The following AMPH variants were observed in gnomAD, a reference collection of about 807,000 sequenced individuals.
The protein encoded by AMPH is amphiphysin (Stiff-Mann syndrome with breast cancer 128kD autoantigen).
In AMPH, 49 loss-of-function variants were observed where a neutral mutation model predicts 99.1. The observed-to-expected ratio is 0.49, with a 90% CI of 0.39 to 0.63. The LOEUF (loss-of-function observed/expected upper bound fraction) is 0.63. Ranked by LOEUF, AMPH falls within the 20% of genes least tolerant of loss-of-function variation. The pLI is 0.00. For missense variants in AMPH, 759 were observed against 863.4 expected (o/e 0.88, Z 1.52); for synonymous variants, 314 against 317.3 (o/e 0.99, Z 0.11).
At chr7:38,543,380 T>A (rs556417720) in intron 1 of AMPH, among the ~76,000 whole-genome samples, 6 of 152,330 alleles carry the variant, frequency 3.9e-5, no homozygotes, top group African/African-American at 1.4e-4. Flanking sequence ...GTAAGTTCCC[T>A]AAGGCAAGAA....
At chr7:38,551,621 A>G (rs1217324824) in intron 1 of AMPH, among the ~76,000 whole-genome samples, 1 of 152,180 alleles carries the variant, frequency 6.6e-6, no homozygotes, top group Non-Finnish European at 1.5e-5. Context: ...AGGGCTACAC[A>G]TCCTCCAAGA....
chr7:38,487,676 G>C (rs1000704691), intron 5 of AMPH, among the ~76,000 whole-genome samples: 1 of 151,928 alleles, frequency 6.6e-6, no homozygotes, highest in African/African-American at 2.4e-5. Context: ...GACGAATGGG[G>C]TCTAATTAAA....
chr7:38,512,033 G>T (rs1351921483), intron 2 of AMPH, among the ~76,000 whole-genome samples: 1 of 152,144 alleles, frequency 6.6e-6, no homozygotes, highest in Admixed American at 6.5e-5. Context: ...AAGCCTCCAG[G>T]TGATGGTTAT....
At chr7:38,566,189 T>C (rs932837944) in intron 1 of AMPH, among the ~76,000 whole-genome samples, 1 of 152,180 alleles carries the variant, frequency 6.6e-6, no homozygotes, top group Non-Finnish European at 1.5e-5. Context: ...CCAAAAACAA[T>C]AGTAATGATT....
intron 5 of AMPH, among the ~76,000 whole-genome samples, chr7:38,484,153 T>C (rs1017480125): frequency 6.6e-6 from 1 of 152,090 alleles, no homozygotes; most frequent in African/African-American, 2.4e-5. Context: ...ATTTATGCAT[T>C]ATGGGAGTCC....
chr7:38,585,741 A>G (rs1031221448), intron 1 of AMPH, among the ~76,000 whole-genome samples: 2 of 152,238 alleles, frequency 1.3e-5, no homozygotes, highest in African/African-American at 4.8e-5. Flanking sequence ...TAAATGCAGC[A>G]AGGGCTATTT....
At chr7:38,610,813 A>C (rs1793658343) in intron 1 of AMPH, among the ~76,000 whole-genome samples, 1 of 152,220 alleles carries the variant, frequency 6.6e-6, no homozygotes, top group African/African-American at 2.4e-5. Flanking sequence ...AAATCATTTA[A>C]TTTCAACTTA....
At chr7:38,471,063 C>T (rs1787863522) in intron 7 of AMPH, among the ~76,000 whole-genome samples, 1 of 152,154 alleles carries the variant, frequency 6.6e-6, no homozygotes, top group Non-Finnish European at 1.5e-5. Context: ...TAACATCTAA[C>T]AGAGTTCTTC....
intron 1 of AMPH, among the ~76,000 whole-genome samples, chr7:38,622,029 G>A (rs758041074): frequency 1.3e-5 from 2 of 152,192 alleles, no homozygotes; most frequent in Non-Finnish European, 2.9e-5. Flanking sequence ...GCATGATGCT[G>A]TATAGATGGT....
chr7:38,421,676 T>A (rs1037654573), intron 16 of AMPH, among the ~76,000 whole-genome samples: 6 of 152,216 alleles, frequency 3.9e-5, no homozygotes, highest in Admixed American at 1.3e-4. Flanking sequence ...GGAGCTAGGA[T>A]AAGTATGCAC....
chr7:38,595,363 GA>G (rs1458046604), intron 1 of AMPH, among the ~76,000 whole-genome samples: 1 of 152,134 alleles, frequency 6.6e-6, no homozygotes, highest in African/African-American at 2.4e-5. Flanking sequence ...TAGGCTGTAT[GA>G]AAAAGATATG....
chr7:38,535,716 T>C (rs1790573125), intron 1 of AMPH, among the ~76,000 whole-genome samples: 2 of 152,150 alleles, frequency 1.3e-5, no homozygotes, highest in African/African-American at 4.8e-5. Context: ...TCAGGTATTA[T>C]ATTCTCATAA....
chr7:38,392,210 T>G (rs976085547), intron 18 of AMPH, among the ~76,000 whole-genome samples, 193 bp from the exon 19 acceptor site: 1 of 151,756 alleles, frequency 6.6e-6, no homozygotes, highest in Non-Finnish European at 1.5e-5. Context: ...GCCTAAACCC[T>G]TAGTGGAATT....
intron 11 of AMPH, among the ~76,000 whole-genome samples, chr7:38,455,449 C>T (rs896668109): frequency 6.6e-6 from 1 of 152,058 alleles, no homozygotes; most frequent in African/African-American, 2.4e-5. Flanking sequence ...AGAGCGGAAG[C>T]AAAATAGCAA....
chr7:38,630,074 G>A (rs1794401949), intron 1 of AMPH, among the ~76,000 whole-genome samples: 1 of 152,178 alleles, frequency 6.6e-6, no homozygotes, highest in Non-Finnish European at 1.5e-5. Flanking sequence ...CTGAGATTGA[G>A]ATTGGGTCTG....
At chr7:38,531,845 G>T (rs764821185) in intron 2 of AMPH, among the ~76,000 whole-genome samples, 7 of 152,082 alleles carry the variant, frequency 4.6e-5, no homozygotes, top group Non-Finnish European at 7.4e-5. Context: ...TGGAATCTAG[G>T]TTTCCTAGAT....
At chr7:38,444,026 G>T (rs1025929393) in intron 11 of AMPH, among the ~76,000 whole-genome samples, 4 of 152,030 alleles carry the variant, frequency 2.6e-5, no homozygotes, top group African/African-American at 9.7e-5. Context: ...AAAACCAGTT[G>T]TACTTATAGA....
intron 17 of AMPH, among the ~76,000 whole-genome samples, chr7:38,407,054 A>C (rs372289143): frequency 0.28 from 3,742 of 13,604 alleles, 251 homozygotes; most frequent in East Asian, 0.49. Context: ...CTCTCTATAT[A>C]TATATATATA....
chr7:38,537,502 G>A (rs1790657242), intron 1 of AMPH, among the ~76,000 whole-genome samples: 1 of 152,120 alleles, frequency 6.6e-6, no homozygotes, highest in Non-Finnish European at 1.5e-5. Context: ...CCAGAATCAG[G>A]ATTCACAAAA....
Sources: gnomAD v4.1 joint callset for allele counts (sites outside exome capture counted in the v4.1 genomes callset) on GRCh38, gnomAD v4.1.1 for gene constraint, MANE v1.5 for transcripts, NCBI Gene and HGNC (gene_info 2026-07-23, HGNC 2026-07-21) for gene names.